FOXP1: variants seen among roughly 807,000 people sequenced by gnomAD.
FOXP1 encodes the protein forkhead box P1, also known as forkhead box protein P1.
A neutral mutation model predicts 98.2 loss-of-function variants in FOXP1; 15 were observed. That is an observed-to-expected ratio of 0.15 (90% CI 0.10 to 0.24). The LOEUF (loss-of-function observed/expected upper bound fraction) is 0.24, where lower values mean the gene tolerates loss of function less well. Ranked by LOEUF, FOXP1 falls within the 10% of genes least tolerant of loss-of-function variation. The pLI, the probability that FOXP1 is intolerant of heterozygous loss-of-function variation, is 1.00. For synonymous variants in FOXP1, 371 were observed against 314.5 expected, an observed-to-expected ratio of 1.18 and a Z score of -1.90; for missense variants, 633 against 848.5, an observed-to-expected ratio of 0.75 and a Z score of 3.15.
intron 5 of FOXP1, among the ~76,000 whole-genome samples, chr3:71,236,702 T>G (rs946299542): frequency 1.3e-5 from 2 of 151,794 alleles, no homozygotes; most frequent in Admixed American, 6.6e-5. Context: ...AGACCTTATC[T>G]CCACAAGAGA....
intron 5 of FOXP1, among the ~76,000 whole-genome samples, chr3:71,268,473 G>A (rs1000495492): frequency 6.6e-6 from 1 of 152,098 alleles, no homozygotes; most frequent in Non-Finnish European, 1.5e-5. Flanking sequence ...AAACTGATGA[G>A]CCAAGTAATT....
chr3:71,050,976 T>C (rs1314868053), intron 9 of FOXP1, among the ~76,000 whole-genome samples: 1 of 152,214 alleles, frequency 6.6e-6, no homozygotes, highest in Non-Finnish European at 1.5e-5. Flanking sequence ...CTTCTTGTCT[T>C]TGAACTTCTT....
At chr3:71,255,261 A>C (rs1049932812) in intron 5 of FOXP1, among the ~76,000 whole-genome samples, 1 of 152,216 alleles carries the variant, frequency 6.6e-6, no homozygotes, top group African/African-American at 2.4e-5. Flanking sequence ...GGAATTGTTT[A>C]GGTCAGAATA....
intron 3 of FOXP1, among the ~76,000 whole-genome samples, chr3:71,387,483 ATAAG>A (rs376631374): frequency 6.6e-6 from 1 of 152,236 alleles, no homozygotes; most frequent in African/African-American, 2.4e-5. Context: ...CTTTCTCATT[ATAAG>A]TAAGGATTTC....
At chr3:71,224,005 C>T (rs113249344) in intron 5 of FOXP1, among the ~76,000 whole-genome samples, 1,539 of 152,240 alleles carry the variant, frequency 0.01, 20 homozygotes, top group Non-Finnish European at 0.014. Context: ...ATTTCTTCCT[C>T]CTCATAGACT....
chr3:71,052,831 G>A (rs1169957578), intron 8 of FOXP1, among the ~76,000 whole-genome samples: 3 of 152,186 alleles, frequency 2.0e-5, no homozygotes, highest in Non-Finnish European at 2.9e-5. Context: ...AAAATGAACT[G>A]ATGAAAAACA....
chr3:71,117,453 C>A (rs554057212), intron 6 of FOXP1, among the ~76,000 whole-genome samples: 2 of 152,134 alleles, frequency 1.3e-5, no homozygotes, highest in South Asian at 2.1e-4. Flanking sequence ...AATATCTCAA[C>A]CACAATTAGA....
At chr3:71,551,043 A>T (rs1407922295) in intron 2 of FOXP1, among the ~76,000 whole-genome samples, 1 of 152,214 alleles carries the variant, frequency 6.6e-6, no homozygotes, top group East Asian at 1.9e-4. Flanking sequence ...TATTACCAGG[A>T]AACACTGAGA....
rs1281500984 is a variant in FOXP1, at chr3:70,956,390, C to CA, written c.*2856dup. 1 of 221,812 alleles carries CA rather than the reference C, an allele frequency of 4.5e-6. No homozygotes were observed. The highest frequency in any genetic ancestry group is 8.9e-6 in the Non-Finnish European group (1 of 112,750). 13.7% of individuals were successfully genotyped at this position (221,812 alleles called of 1,614,324 possible). ...TTCTTCTGCAAGGCTGTGATACCTG[C>CA]AAAGATATGTAAAATCTAATTTTTC... On this transcript the variant is annotated 3_prime_UTR_variant, in exon 21 of 21. Coordinates refer to ENST00000649528, the MANE Select transcript of FOXP1 (RefSeq NM_001349338.3).
At chr3:71,044,692 C>T (rs2048790385) in intron 10 of FOXP1, among the ~76,000 whole-genome samples, 1 of 152,184 alleles carries the variant, frequency 6.6e-6, no homozygotes, top group South Asian at 2.1e-4. Flanking sequence ...CCAAGTCTTG[C>T]AACATTTCTT....
In FOXP1 at chr3:71,168,077, T is replaced by C. The variant is rs558882356; in HGVS notation, c.180+30125A>G. On this transcript the variant is annotated intron_variant, in intron 6 of 20. Transcript: ENST00000649528. ...CATTTATTGATAGAGGTTTGTTACATGTGGCCTAAAACCAGGGCAAGAGTA... is the reference window on the plus strand; with the variant it reads ...CATTTATTGATAGAGGTTTGTTACACGTGGCCTAAAACCAGGGCAAGAGTA... Among the ~76,000 whole-genome samples the C allele has an allele frequency of 4.6e-5, 7 of 152,314 alleles. No individual in the cohort carries two copies. The East Asian group carries it at 1.3e-3, about 29-fold the overall frequency.
rs2078395317 is a variant in FOXP1, at chr3:71,359,412, G to A, written c.-167-168C>T. Reference sequence around the variant, plus strand: ...TTTTATCCTTTGCCTTCTAGAATCAGCATTTGACCTAGCTCACAACCTGAA... The same window carrying A: ...TTTTATCCTTTGCCTTCTAGAATCAACATTTGACCTAGCTCACAACCTGAA... On this transcript the variant is annotated intron_variant, in intron 3 of 20. Coordinates refer to ENST00000649528, the MANE Select transcript of FOXP1 (RefSeq NM_001349338.3). 3.3e-5 allele frequency among the ~76,000 whole-genome samples: 5 copies of A among 152,134 alleles called. No individual in the cohort carries two copies. In the South Asian group the frequency reaches 1.0e-3, roughly 31 times the overall value.
At chr3:71,256,023 T>A (rs2068592143) in intron 5 of FOXP1, among the ~76,000 whole-genome samples, 1 of 152,194 alleles carries the variant, frequency 6.6e-6, no homozygotes, top group South Asian at 2.1e-4. Context: ...TTTTTAGAGC[T>A]TGGGTTTTAT....
intron 3 of FOXP1, among the ~76,000 whole-genome samples, chr3:71,401,346 A>AAG (rs1052423398): frequency 9.9e-5 from 15 of 151,812 alleles, no homozygotes; most frequent in South Asian, 2.1e-4. Context: ...GGAATGATAA[A>AAG]AGAGAGAGAG....
chr3:71,555,736 A>G lies in FOXP1; in HGVS notation c.-298+25813T>C, dbSNP rs142886052. Among the ~76,000 whole-genome samples, 44 of 152,344 alleles carry G rather than the reference A, an allele frequency of 2.9e-4. 1 individual carries two copies. The East Asian group carries it at 7.9e-3, about 27-fold the overall frequency. ...GTGAAACCGAAAAAAGTGCATGGAA[A>G]TAAGCCCTACATTAAAATTTAGCGT... is the stretch of plus-strand genomic sequence containing the variant. On this transcript the variant is annotated intron_variant, in intron 2 of 20. Coordinates refer to ENST00000649528, the MANE Select transcript of FOXP1 (RefSeq NM_001349338.3).
chr3:71,253,441 G>A (rs2068380281), intron 5 of FOXP1, among the ~76,000 whole-genome samples: 1 of 152,130 alleles, frequency 6.6e-6, no homozygotes, highest in African/African-American at 2.4e-5. Flanking sequence ...TAAATGAAAT[G>A]ATACATGTCC....
At chr3:71,353,379 T>C (rs1054656038) in intron 4 of FOXP1, among the ~76,000 whole-genome samples, 1 of 152,184 alleles carries the variant, frequency 6.6e-6, no homozygotes, top group Admixed American at 6.5e-5. Context: ...TTTTAGTTTC[T>C]GAAGTGATAT....
intron 3 of FOXP1, among the ~76,000 whole-genome samples, chr3:71,377,226 T>C (rs1560394411): frequency 6.6e-6 from 1 of 152,182 alleles, no homozygotes; most frequent in Non-Finnish European, 1.5e-5. Context: ...TATTTTAAAC[T>C]GAATATTAAA....
chr3:71,492,942 C>A (rs1380352635), intron 3 of FOXP1, among the ~76,000 whole-genome samples: 3 of 152,122 alleles, frequency 2.0e-5, no homozygotes, highest in Non-Finnish European at 4.4e-5. Flanking sequence ...AGAAGTCTTT[C>A]AAAAAATCTT....
Sources: gnomAD v4.1 joint callset for allele counts (sites outside exome capture counted in the v4.1 genomes callset) on GRCh38, gnomAD v4.1.1 for gene constraint, MANE v1.5 for transcripts, NCBI Gene and HGNC (gene_info 2026-07-23, HGNC 2026-07-21) for gene names.